Variants in MALRD1 observed in about 807,000 individuals in gnomAD.
MALRD1 encodes the protein MAM and LDL-receptor class A domain-containing protein 1.
MALRD1 carries 247 observed loss-of-function variants against 242.1 expected under a neutral mutation model. The ratio of observed to expected loss-of-function variants is 1.02; its 90% confidence interval spans 0.92 to 1.13. The LOEUF (loss-of-function observed/expected upper bound fraction) is 1.13. Among genes scored for constraint, MALRD1 ranks in the 50% most tolerant of loss-of-function variants. The pLI is 0.00. For synonymous variants in MALRD1, 995 were observed against 866.6 expected (o/e 1.15, Z -2.60); for missense variants, 2,989 against 2,533.1 (o/e 1.18, Z -3.86).
chr10:19,066,472 C>T (rs2131242335), intron 1 of MALRD1, among the ~76,000 whole-genome samples: 1 of 152,282 alleles, frequency 6.6e-6, no homozygotes, highest in East Asian at 1.9e-4. Flanking sequence ...GGATTAGGTC[C>T]TCAGTCTTCT....
chr10:19,289,381 A>G (rs1235341161), intron 21 of MALRD1, among the ~76,000 whole-genome samples: 1 of 152,196 alleles, frequency 6.6e-6, no homozygotes, highest in East Asian at 1.9e-4. Context: ...GGTGCATAAT[A>G]GGCCTCAATA....
At chr10:19,598,724 A>G (rs1838222918) in intron 34 of MALRD1, among the ~76,000 whole-genome samples, 1 of 152,246 alleles carries the variant, frequency 6.6e-6, no homozygotes, top group Non-Finnish European at 1.5e-5. Context: ...CCATCAGCGT[A>G]TGATTATTGA....
chr10:19,433,367 GGGTAATT>G (rs1834223613), intron 28 of MALRD1, among the ~76,000 whole-genome samples: 1 of 152,112 alleles, frequency 6.6e-6, no homozygotes, highest in African/African-American at 2.4e-5. Flanking sequence ...GAGGGATCTT[GGGTAATT>G]GGAAGACTCT....
At chr10:19,694,061 A>T (rs1260093852) in intron 38 of MALRD1, among the ~76,000 whole-genome samples, 1 of 152,192 alleles carries the variant, frequency 6.6e-6, no homozygotes, top group African/African-American at 2.4e-5. Context: ...CTTACACCTT[A>T]TACAAAAATT....
chr10:19,121,200 C>T (rs1174060901), intron 5 of MALRD1, among the ~76,000 whole-genome samples: 2 of 151,782 alleles, frequency 1.3e-5, no homozygotes, highest in African/African-American at 4.8e-5. Flanking sequence ...GCCACCATGC[C>T]TTGCTAATTT....
chr10:19,341,518 A>C (rs1292532071), intron 24 of MALRD1, among the ~76,000 whole-genome samples: 1 of 146,668 alleles, frequency 6.8e-6, no homozygotes, highest in African/African-American at 2.5e-5. Flanking sequence ...ATATGTGTGT[A>C]TATATGTATA....
At chr10:19,116,278 T>C (rs1041377363) in intron 5 of MALRD1, among the ~76,000 whole-genome samples, 3 of 152,250 alleles carry the variant, frequency 2.0e-5, no homozygotes, top group Non-Finnish European at 2.9e-5. Flanking sequence ...ATATTTTGAA[T>C]ATTCTGTGAA....
chr10:19,305,521 A>G (rs1431146551), intron 21 of MALRD1, among the ~76,000 whole-genome samples: 1 of 151,240 alleles, frequency 6.6e-6, no homozygotes, highest in Non-Finnish European at 1.5e-5. Flanking sequence ...GCAAGTTTTC[A>G]ATTTTGAACC....
chr10:19,584,462 C>G (rs1226487293), intron 33 of MALRD1, among the ~76,000 whole-genome samples: 2 of 152,072 alleles, frequency 1.3e-5, no homozygotes, highest in Non-Finnish European at 2.9e-5. Context: ...ATCTTTATTT[C>G]TGCCTTCATT....
intron 14 of MALRD1, among the ~76,000 whole-genome samples, chr10:19,181,516 G>C (rs1835503680): frequency 6.6e-6 from 1 of 152,168 alleles, no homozygotes; most frequent in Non-Finnish European, 1.5e-5. Context: ...TACAGATATA[G>C]AGAATGAAAC....
At chr10:19,525,104 G>A (rs1008655110) in intron 31 of MALRD1, among the ~76,000 whole-genome samples, 6 of 149,914 alleles carry the variant, frequency 4.0e-5, no homozygotes, top group Admixed American at 1.3e-4. Flanking sequence ...CAGTAGAGAC[G>A]GGGTTTCCCT....
intron 29 of MALRD1, among the ~76,000 whole-genome samples, chr10:19,461,700 C>G (rs1475986657): frequency 6.6e-6 from 1 of 151,882 alleles, no homozygotes; most frequent in Non-Finnish European, 1.5e-5. Flanking sequence ...TAAAAATTGG[C>G]TGGTGTGGTG....
chr10:19,166,679 A>T (rs1289039965), intron 13 of MALRD1, among the ~76,000 whole-genome samples: 1 of 152,186 alleles, frequency 6.6e-6, no homozygotes, highest in African/African-American at 2.4e-5. Context: ...AAAATATCAC[A>T]TTTACCCCAT....
chr10:19,362,530 A>C (rs538876616), intron 26 of MALRD1, among the ~76,000 whole-genome samples: 1 of 152,226 alleles, frequency 6.6e-6, no homozygotes, highest in South Asian at 2.1e-4. Flanking sequence ...AATCCCACAC[A>C]TAGGAAGCAT....
At chr10:19,576,719 T>C (rs2131492526) in intron 33 of MALRD1, among the ~76,000 whole-genome samples, 1 of 152,302 alleles carries the variant, frequency 6.6e-6, no homozygotes, top group Non-Finnish European at 1.5e-5. Context: ...CTACCACTTC[T>C]CTGGCTGAGA....
At chr10:19,068,889 A>T (rs1835058576) in intron 2 of MALRD1, among the ~76,000 whole-genome samples, 1 of 152,266 alleles carries the variant, frequency 6.6e-6, no homozygotes, top group East Asian at 1.9e-4. Flanking sequence ...CATTAAAAAC[A>T]TCACTGTTGT....
chr10:19,719,197 T>TATATATATATACAC (rs1564567204), intron 38 of MALRD1, among the ~76,000 whole-genome samples: 1,044 of 31,608 alleles, frequency 0.033, 58 homozygotes, highest in African/African-American at 0.12. Context: ...TATACATACA[T>TATATATATATACAC]ATATATATAT....
intron 12 of MALRD1, among the ~76,000 whole-genome samples, chr10:19,162,078 A>T (rs1186075180): frequency 6.6e-6 from 1 of 151,896 alleles, no homozygotes; most frequent in Non-Finnish European, 1.5e-5. Context: ...ACAAAACCAT[A>T]ACTGAGGAAA....
At position 19,137,583 on chromosome 10, in the gene MALRD1, A is replaced by C. The variant is rs565091954; in HGVS notation, c.1411+802A>C. Among the ~76,000 whole-genome samples, 14 of 142,048 alleles carry C rather than the reference A, an allele frequency of 9.9e-5. 1 individual carries two copies. The South Asian group carries it at 2.5e-3, about 25-fold the overall frequency. 93.2% of individuals were successfully genotyped at this position (142,048 alleles called of 152,430 possible). A position where few individuals can be genotyped will look rare whatever the true frequency, so the allele number is the denominator to read the frequency against. Reference sequence around the variant, plus strand: ...ATCATGCCATTGCACTCTCCAGCCCAGGCGACAGCGTGAGACTCCGTCTGA... The same window carrying C: ...ATCATGCCATTGCACTCTCCAGCCCCGGCGACAGCGTGAGACTCCGTCTGA... On this transcript the variant is annotated intron_variant, in intron 10 of 39. Transcript: ENST00000454679.
Sources: gnomAD v4.1 joint callset for allele counts (sites outside exome capture counted in the v4.1 genomes callset) on GRCh38, gnomAD v4.1.1 for gene constraint, MANE v1.5 for transcripts, NCBI Gene and HGNC (gene_info 2026-07-23, HGNC 2026-07-21) for gene names.